The following REPS2 variants were observed in gnomAD, a reference collection of about 807,000 sequenced individuals.
The protein encoded by REPS2 is RALBP1 associated Eps domain containing 2.
In REPS2, 23 loss-of-function variants were observed where a neutral mutation model predicts 53.6. The ratio of observed to expected loss-of-function variants is 0.43; its 90% CI spans 0.31 to 0.61. The LOEUF is 0.61. Ranked by LOEUF, REPS2 falls within the 20% of genes least tolerant of loss-of-function variation. REPS2 has a pLI of 0.11. For missense variants in REPS2, 446 were observed against 534.9 expected, an observed-to-expected ratio of 0.83 and a Z score of 1.64; for synonymous variants, 238 against 218.6, an observed-to-expected ratio of 1.09 and a Z score of -0.78.
intron 10 of REPS2, among the ~76,000 whole-genome samples, chrX:17,069,453 A>G (rs997189056): frequency 4.4e-5 from 5 of 112,473 alleles, no homozygotes; most frequent in African/African-American, 9.7e-5. Context: ...CAGTAATTGC[A>G]TGTTCTCTAT....
At chrX:17,182,132 CTCTATCTGTCTATCTATCTA>C in the REPS2 span, among the ~76,000 whole-genome samples, 12 of 90,461 alleles carry the variant, frequency 1.3e-4, no homozygotes, top group African/African-American at 5.2e-4. Context: ...ACCTAGTGTG[CTCTATCTGTCTATCTATCTA>C]TCTATCTATC....
intron 13 of REPS2, chrX:17,100,249 C>A: frequency 5.2e-6 from 3 of 574,066 alleles, no homozygotes; most frequent in Non-Finnish European, 6.2e-6. Context: ...GAACTTTTTC[C>A]ACCACATATT....
rs182092861 is a variant in REPS2 at position 17,126,185 on chromosome X, G to A, written c.1579-7639G>A. Among the ~76,000 whole-genome samples, 39 of 112,093 alleles carry A rather than the reference G, an allele frequency of 3.5e-4. 1 individual carries two copies. The highest frequency in any genetic ancestry group is 9.4e-4 in the Admixed American group (10 of 10,615). ...AATTCATGCAAAGAAGTAGTTGGCAGCAGCAACAGCTGCTACCGCAGGGAG... is the reference window on the plus strand; with the variant it reads ...AATTCATGCAAAGAAGTAGTTGGCAACAGCAACAGCTGCTACCGCAGGGAG... On this transcript the variant is annotated intron_variant, in intron 14 of 17. Transcript: ENST00000357277.
intron 13 of REPS2, among the ~76,000 whole-genome samples, chrX:17,087,924 CGATAGATAGATA>C (rs35140640): frequency 0.038 from 3,495 of 91,260 alleles, 72 homozygotes; most frequent in East Asian, 0.11. Flanking sequence ...GAGACTCTGT[CGATAGATAGATA>C]GATAGATAGA....
rs762879480 is a variant in REPS2 at position 16,970,511 on chromosome X, T to C, written c.273+23377T>C. The stretch of plus-strand genomic sequence containing the variant: ...CTGTGCCTGGCCTGTTTTCCCACTT[T>C]TTAAAGTAACAGCCTTGTTGAGATG... On this transcript the variant is annotated intron_variant, in intron 1 of 17. Coordinates refer to ENST00000357277, the MANE Select transcript of REPS2 (RefSeq NM_004726.3). Among the ~76,000 whole-genome samples the C allele has an allele frequency of 3.5e-5, 4 of 112,719 alleles. No homozygotes were observed. The East Asian group carries it at 1.1e-3, about 31-fold the overall frequency.
At chrX:17,039,832 G>A (rs1271237417) in intron 5 of REPS2, among the ~76,000 whole-genome samples, 1 of 112,504 alleles carries the variant, frequency 8.9e-6, no homozygotes, top group Non-Finnish European at 1.9e-5. Flanking sequence ...TCGCAGGGTT[G>A]TGAAGATGAA....
At chrX:16,991,385 G>C (rs769269191) in intron 1 of REPS2, among the ~76,000 whole-genome samples, 3 of 111,677 alleles carry the variant, frequency 2.7e-5, no homozygotes, top group Non-Finnish European at 5.6e-5. Flanking sequence ...TTGTAGCTAG[G>C]TGTGCCTGCG....
intron 1 of REPS2, among the ~76,000 whole-genome samples, chrX:16,987,665 C>G (rs1242555753): frequency 9.0e-6 from 1 of 111,643 alleles, no homozygotes; most frequent in Non-Finnish European, 1.9e-5. Flanking sequence ...CACAACTACT[C>G]AACTCCACTC....
intron 17 of REPS2, among the ~76,000 whole-genome samples, chrX:17,144,565 G>C (rs5969771): frequency 0.017 from 1,951 of 112,301 alleles, 13 homozygotes; most frequent in Middle Eastern, 0.028. Context: ...TCTAAGTCTA[G>C]TGAACAGAAG....
At chrX:16,972,319 GA>G (rs1485015727) in intron 1 of REPS2, among the ~76,000 whole-genome samples, 3 of 112,256 alleles carry the variant, frequency 2.7e-5, no homozygotes, top group African/African-American at 9.7e-5. Flanking sequence ...TAAATGTGAG[GA>G]ATTTTTAGGA....
At position 16,948,076 on chromosome X, in the gene REPS2, G is replaced by A. The variant is rs777679927; in HGVS notation, c.273+942G>A. ...ACGTGAAATGAAGCTTTTCCTAAAA[G>A]CAATAGTATGAATGTTATTAACACC... On this transcript the variant is annotated intron_variant, in intron 1 of 17. Transcript: ENST00000357277. 3.6e-5 allele frequency among the ~76,000 whole-genome samples: 4 copies of A among 112,197 alleles called. No homozygotes were observed. In the East Asian group the frequency reaches 1.1e-3, roughly 31 times the overall value.
At chrX:17,068,573 A>G in intron 10 of REPS2, 102 bp downstream of exon 10, 1 of 576,430 alleles carries the variant, frequency 1.7e-6, no homozygotes, top group South Asian at 3.0e-5. Flanking sequence ...GGTGGTTCTC[A>G]GCATGTAAAC....
Position 16,949,627 on chromosome X carries a change from C to T in REPS2, c.273+2493C>T, listed in dbSNP as rs374382702. Among the ~76,000 whole-genome samples, 28 of 111,978 alleles carry T rather than the reference C, an allele frequency of 2.5e-4. No individual in the cohort carries two copies. The East Asian group carries it at 4.8e-3, about 19-fold the overall frequency. Reference sequence around the variant, plus strand: ...TTTGCCATGTTGGCCAGGCTGGTCTCGAACTCCTGACTTCAGGTGATCCAC... The same window carrying T: ...TTTGCCATGTTGGCCAGGCTGGTCTTGAACTCCTGACTTCAGGTGATCCAC... On this transcript the variant is annotated intron_variant, in intron 1 of 17. Transcript: ENST00000357277.
chrX:17,171,884 T>A, the REPS2 span, among the ~76,000 whole-genome samples: 1 of 111,219 alleles, frequency 9.0e-6, no homozygotes, highest in Non-Finnish European at 1.9e-5. Context: ...AACCTAAGAA[T>A]AATACTGGGA....
chrX:17,177,844 T>A, the REPS2 span, among the ~76,000 whole-genome samples: 1 of 111,522 alleles, frequency 9.0e-6, no homozygotes, highest in Admixed American at 9.5e-5. Context: ...TGAAAAAATA[T>A]CAGGAGTTGG....
intron 14 of REPS2, among the ~76,000 whole-genome samples, chrX:17,127,300 G>C (rs1320785841): frequency 8.9e-6 from 1 of 111,920 alleles, no homozygotes; most frequent in Non-Finnish European, 1.9e-5. Flanking sequence ...TTTACTCACT[G>C]AATCTAGAAT....
At chrX:16,977,583 G>A (rs922436560) in intron 1 of REPS2, among the ~76,000 whole-genome samples, 1 of 109,155 alleles carries the variant, frequency 9.2e-6, no homozygotes, top group Non-Finnish European at 1.9e-5. Context: ...GGGCATGTTG[G>A]TATACTCCTG....
intron 11 of REPS2, among the ~76,000 whole-genome samples, chrX:17,071,877 G>A (rs1302085871): frequency 8.9e-6 from 1 of 112,228 alleles, no homozygotes; most frequent in Non-Finnish European, 1.9e-5. Flanking sequence ...TGATCCACTT[G>A]TTGTAATTGC....
At chrX:17,191,855 A>G in the REPS2 span, among the ~76,000 whole-genome samples, 1 of 112,174 alleles carries the variant, frequency 8.9e-6, no homozygotes, top group African/African-American at 3.2e-5. Flanking sequence ...AGAACGCATC[A>G]GTGGTTGCAG....
Sources: allele counts gnomAD v4.1 joint callset (sites outside exome capture counted in the v4.1 genomes callset), GRCh38; gene constraint gnomAD v4.1.1; transcripts MANE v1.5; gene names NCBI Gene and HGNC (gene_info 2026-07-23, HGNC 2026-07-21).